The following CA5A variants were observed in gnomAD, a reference collection of about 807,000 sequenced individuals.
CA5A encodes the protein carbonic anhydrase 5A, also known as carbonic anhydrase 5A, mitochondrial.
Under a neutral mutation model 37.1 loss-of-function variants are expected in CA5A, and 28 were observed. The ratio of observed to expected loss-of-function variants is 0.75; its 90% confidence interval spans 0.56 to 1.03. The LOEUF (loss-of-function observed/expected upper bound fraction) is 1.03, where lower values mean the gene tolerates loss of function less well. Ranked by LOEUF, CA5A falls within the 50% of genes least tolerant of loss-of-function variation. The probability of loss-of-function intolerance (pLI) is 0.00; values close to 1 mark genes in which losing one functional copy is unlikely to be tolerated. For missense variants in CA5A, 444 were observed against 399.9 expected (o/e 1.11, Z -0.94); for synonymous variants, 171 against 158.4 (o/e 1.08, Z -0.60).
chr16:87,920,564 C>T (rs1009311061), intron 2 of CA5A, among the ~76,000 whole-genome samples: 1 of 152,136 alleles, frequency 6.6e-6, no homozygotes, highest in African/African-American at 2.4e-5. Flanking sequence ...CCTGCCTCTG[C>T]CTCCCAAAGC....
chr16:87,908,772 C>T lies in CA5A; in HGVS notation c.341-3868G>A, dbSNP rs543833441. 1.1e-4 allele frequency among the ~76,000 whole-genome samples: 17 copies of T among 152,276 alleles called. No individual in the cohort carries two copies. In the South Asian group the frequency reaches 1.9e-3, roughly 17 times the overall value. Reference sequence around the variant, plus strand: ...CCCACAGGCATCTCTTCATCCTTCCCGACCCCGAGCTGTCCCAGAATTCTT... The same window carrying T: ...CCCACAGGCATCTCTTCATCCTTCCTGACCCCGAGCTGTCCCAGAATTCTT... On this transcript the variant is annotated intron_variant, in intron 2 of 6. Transcript: ENST00000649794.
At chr16:87,893,803 T>C in intron 5 of CA5A, 1 of 352,744 alleles carries the variant, frequency 2.8e-6, no homozygotes. Context: ...GTCAGGGTCT[T>C]ACTTTGTCAC....
chr16:87,929,644 G>A (rs539968417), intron 1 of CA5A, among the ~76,000 whole-genome samples: 6 of 151,820 alleles, frequency 4.0e-5, no homozygotes, highest in Admixed American at 6.6e-5. Context: ...AGGCCGAGGT[G>A]GGCGGATCAC....
intron 6 of CA5A, among the ~76,000 whole-genome samples, 189 bp downstream of exon 6, chr16:87,891,610 T>C (rs888327083): frequency 2.6e-5 from 4 of 152,198 alleles, no homozygotes; most frequent in African/African-American, 9.7e-5. Flanking sequence ...CTGTGATCAC[T>C]GGAACCGCTG....
intron 2 of CA5A, among the ~76,000 whole-genome samples, chr16:87,908,395 CA>C (rs2143982678): frequency 6.6e-6 from 1 of 152,306 alleles, no homozygotes; most frequent in East Asian, 1.9e-4. Flanking sequence ...TTGCGCATCG[CA>C]CACCCTTCAG....
intron 2 of CA5A, among the ~76,000 whole-genome samples, chr16:87,923,012 G>A (rs1448276207): frequency 6.6e-6 from 1 of 152,254 alleles, no homozygotes; most frequent in Non-Finnish European, 1.5e-5. Context: ...GTGAGGAGAA[G>A]TGAGTTGGTG....
Position 87,904,775 on chromosome 16 carries a change from C to T in CA5A, c.459+11G>A, listed in dbSNP as rs748341294. 3.7e-5 allele frequency: 57 copies of T among 1,542,520 alleles called. No homozygotes were observed. The highest frequency in any genetic ancestry group is 4.3e-5 in the Non-Finnish European group (48 of 1,114,842). ...TGTGCAGATATGTGCTGTTAGGCCA[C>T]GTCTACAAACCTCTGCGGGGTACGC... On this transcript the variant is annotated intron_variant, in intron 3 of 6. Coordinates refer to ENST00000649794, the MANE Select transcript of CA5A (RefSeq NM_001739.2).
At chr16:87,890,111 C>T (rs2055691962) in intron 6 of CA5A, among the ~76,000 whole-genome samples, 1 of 152,256 alleles carries the variant, frequency 6.6e-6, no homozygotes, top group Admixed American at 6.5e-5. Flanking sequence ...CTCCCCTGCT[C>T]AGGATAAGGG....
In CA5A at chr16:87,916,055, T is replaced by C. The variant is rs531211927; in HGVS notation, c.340+10693A>G. Among the ~76,000 whole-genome samples the C allele has an allele frequency of 4.6e-5, 7 of 150,704 alleles. No individual in the cohort carries two copies. In the East Asian group the frequency reaches 7.8e-4, roughly 17 times the overall value. ...CAGAATGAGAACCAAGCAAAAGGGG[T>C]TACTCGGGAGCCTGCGGCAGGAGAA... On this transcript the variant is annotated intron_variant, in intron 2 of 6. Transcript: ENST00000649794.
At chr16:87,936,213 C>T in intron 1 of CA5A, 96 bp downstream of exon 1, 2 of 716,588 alleles carry the variant, frequency 2.8e-6, no homozygotes, top group South Asian at 1.8e-5. Flanking sequence ...CTGAACCCAT[C>T]TGGCTCGGGA....
intron 2 of CA5A, among the ~76,000 whole-genome samples, chr16:87,921,072 C>G (rs1166794907): frequency 6.6e-6 from 1 of 152,142 alleles, no homozygotes. Flanking sequence ...GGATTACAGG[C>G]GTGAGCCACT....
At chr16:87,933,539 T>A (rs1333086821) in intron 1 of CA5A, among the ~76,000 whole-genome samples, 1 of 151,820 alleles carries the variant, frequency 6.6e-6, no homozygotes, top group Non-Finnish European at 1.5e-5. Context: ...CCATGTCCAG[T>A]TAATTTTTTA....
At position 87,888,353 on chromosome 16, in the gene CA5A, G is replaced by T. The variant is rs940872431; in HGVS notation, c.775-81C>A. ...CTGGGTGTCCCTCAGGCCTTATGTG[G>T]TCCCCTCCCATGCTGAATCAGGATG... On this transcript the variant is annotated intron_variant, in intron 6 of 6. Coordinates refer to ENST00000649794, the MANE Select transcript of CA5A (RefSeq NM_001739.2). 4.7e-6 allele frequency: 6 copies of T among 1,271,922 alleles called. No individual in the cohort carries two copies. The African/African-American group carries it at 5.9e-5, about 12-fold the overall frequency. 78.8% of individuals were successfully genotyped at this position (1,271,922 alleles called of 1,614,324 possible).
At chr16:87,895,034 G>C (rs1451415407) in intron 5 of CA5A, among the ~76,000 whole-genome samples, 1 of 152,122 alleles carries the variant, frequency 6.6e-6, no homozygotes, top group African/African-American at 2.4e-5. Flanking sequence ...AGGACTGCTT[G>C]AGGCCAGGAG....
intron 2 of CA5A, among the ~76,000 whole-genome samples, chr16:87,913,650 G>A (rs1330268891): frequency 2.3e-4 from 32 of 140,518 alleles, no homozygotes; most frequent in Admixed American, 2.1e-3. Context: ...TGTCTGTGCC[G>A]TGGCCCCCCC....
At chr16:87,885,193 C>CAAAAT (rs766276723), downstream of CA5A, 1 of 165,930 alleles carries the variant, frequency 6.0e-6, no homozygotes, top group Non-Finnish European at 1.3e-5. Context: ...CAAAACAAAA[C>CAAAAT]AACAACAACA....
At chr16:87,903,134 G>A (rs2055905340) in intron 3 of CA5A, among the ~76,000 whole-genome samples, 2 of 151,722 alleles carry the variant, frequency 1.3e-5, no homozygotes, top group Non-Finnish European at 2.9e-5. Context: ...AGAATTACCA[G>A]AAGAAACTCA....
At chr16:87,925,663 C>G (rs1230833820) in intron 2 of CA5A, 1 of 152,212 alleles carries the variant, frequency 6.6e-6, no homozygotes, top group Non-Finnish European at 1.5e-5. Context: ...TAGAGAGAAC[C>G]TTCCCATACC....
chr16:87,931,258 C>G (rs1021085200), intron 1 of CA5A, among the ~76,000 whole-genome samples: 3 of 150,872 alleles, frequency 2.0e-5, no homozygotes, highest in African/African-American at 7.3e-5. Flanking sequence ...ATTACAGGTG[C>G]CTACCACCAC....
Sources: gnomAD v4.1 joint callset for allele counts (sites outside exome capture counted in the v4.1 genomes callset) on GRCh38, gnomAD v4.1.1 for gene constraint, MANE v1.5 for transcripts, NCBI Gene and HGNC (gene_info 2026-07-23, HGNC 2026-07-21) for gene names.